TRPC5: variants seen among roughly 807,000 people sequenced by gnomAD.
TRPC5 encodes the protein short transient receptor potential channel 5.
A neutral mutation model predicts 56.5 loss-of-function variants in TRPC5; 9 were observed. The observed-to-expected ratio is 0.16, with a 90% confidence interval of 0.10 to 0.28. The LOEUF (loss-of-function observed/expected upper bound fraction) is 0.28, where lower values mean the gene tolerates loss of function less well. Among genes scored for constraint, TRPC5 ranks in the 10% least tolerant of loss-of-function variants. The pLI is 1.00. For synonymous variants in TRPC5, 282 were observed against 278.5 expected (o/e 1.01, Z -0.13); for missense variants, 469 against 748.9 (o/e 0.63, Z 4.36).
intron 6 of TRPC5, among the ~76,000 whole-genome samples, chrX:111,842,114 TATATTTTATATATATATG>T (rs1569526317): frequency 2.1e-5 from 2 of 95,457 alleles, no homozygotes; most frequent in African/African-American, 9.1e-5. Context: ...TGTATATATA[TATATTTTATATATATATG>T]TATATATATA....
intron 1 of TRPC5, among the ~76,000 whole-genome samples, chrX:112,057,788 T>G (rs1353881044): frequency 2.7e-5 from 3 of 112,108 alleles, no homozygotes; most frequent in Non-Finnish European, 5.6e-5. Flanking sequence ...AGTTTCTTAG[T>G]GGATAAATGA....
chrX:112,064,548 G>A (rs1308423668), intron 1 of TRPC5, among the ~76,000 whole-genome samples: 1 of 111,958 alleles, frequency 8.9e-6, no homozygotes, highest in Non-Finnish European at 1.9e-5. Flanking sequence ...TGCAAAGGAA[G>A]TAAGTACCTG....
chrX:111,797,135 C>T (rs761462779), intron 7 of TRPC5, among the ~76,000 whole-genome samples: 1 of 111,830 alleles, frequency 8.9e-6, no homozygotes, highest in African/African-American at 3.2e-5. Context: ...TTTCATTTTG[C>T]TCTCCAAGGT....
chrX:111,991,907 T>A (rs771901058), intron 1 of TRPC5, among the ~76,000 whole-genome samples: 3 of 112,189 alleles, frequency 2.7e-5, no homozygotes, highest in African/African-American at 9.7e-5. Flanking sequence ...ACATCTTTTG[T>A]TTCTGAAAAG....
rs1945840593 is a variant in TRPC5, at chrX:111,771,043, A to G, written c.*5270T>C. Among the ~76,000 whole-genome samples, 1 of 111,994 alleles carries G rather than the reference A, an allele frequency of 8.9e-6. No individual in the cohort carries two copies. ...GAAAATGACCTTCACGTTGCAAGTC[A>G]TTCTAACCTACTTCAGTTAGTCTTT... is the stretch of plus-strand genomic sequence containing the variant. On this transcript the variant is annotated 3_prime_UTR_variant, in exon 11 of 11. Coordinates refer to ENST00000262839, the MANE Select transcript of TRPC5 (RefSeq NM_012471.3).
At chrX:112,006,425 T>C (rs1362387256) in intron 1 of TRPC5, among the ~76,000 whole-genome samples, 1 of 112,080 alleles carries the variant, frequency 8.9e-6, no homozygotes, top group Non-Finnish European at 1.9e-5. Context: ...GATTATATCA[T>C]TTAATTCTTA....
intron 1 of TRPC5, among the ~76,000 whole-genome samples, chrX:111,963,323 G>A (rs769380225): frequency 2.2e-4 from 25 of 112,450 alleles, no homozygotes; most frequent in South Asian, 3.7e-4. Flanking sequence ...CAAAGCAGCC[G>A]GGAAGCTCGA....
chrX:111,807,779 T>C (rs1166621470), intron 7 of TRPC5, among the ~76,000 whole-genome samples: 1 of 112,496 alleles, frequency 8.9e-6, no homozygotes, highest in Non-Finnish European at 1.9e-5. Context: ...ACTGCAGCTG[T>C]ATCTGCATTA....
intron 2 of TRPC5, among the ~76,000 whole-genome samples, chrX:111,943,013 A>G (rs7876872): frequency 0.12 from 13,633 of 111,215 alleles, 1,337 homozygotes; most frequent in African/African-American, 0.33. Context: ...GAGTAGGAGT[A>G]GTACTAGCTA....
At chrX:111,840,848 T>A (rs1017931933) in intron 6 of TRPC5, among the ~76,000 whole-genome samples, 2 of 112,681 alleles carry the variant, frequency 1.8e-5, no homozygotes, top group African/African-American at 6.4e-5. Context: ...CCCATTAGAC[T>A]ATGAACTTCT....
At chrX:111,893,987 G>A (rs774764531) in intron 3 of TRPC5, among the ~76,000 whole-genome samples, 15 of 111,719 alleles carry the variant, frequency 1.3e-4, no homozygotes, top group African/African-American at 4.9e-4. Context: ...AGAGGGTAAC[G>A]AGAAGTTATA....
intron 7 of TRPC5, among the ~76,000 whole-genome samples, chrX:111,786,221 C>T (rs745711682): frequency 9.0e-6 from 1 of 111,631 alleles, no homozygotes; most frequent in Admixed American, 9.6e-5. Flanking sequence ...GACCTCTCGG[C>T]AGAAACCCTA....
At chrX:111,905,710 G>C (rs12012085) in intron 3 of TRPC5, among the ~76,000 whole-genome samples, 5,137 of 108,809 alleles carry the variant, frequency 0.047, 179 homozygotes, top group African/African-American at 0.12. Flanking sequence ...GTCAGGAGAT[G>C]GAGACCATCC....
At chrX:111,795,137 T>C (rs1008860950) in intron 7 of TRPC5, among the ~76,000 whole-genome samples, 2 of 111,040 alleles carry the variant, frequency 1.8e-5, no homozygotes, top group Non-Finnish European at 3.8e-5. Context: ...CTTAATGATT[T>C]TTTTTCTTAT....
intron 2 of TRPC5, among the ~76,000 whole-genome samples, chrX:111,945,741 T>C (rs2066555724): frequency 8.9e-6 from 1 of 112,039 alleles, no homozygotes; most frequent in South Asian, 3.7e-4. Flanking sequence ...TTCTTACTTC[T>C]AGCCTGGAGC....
At chrX:111,993,808 T>A in intron 1 of TRPC5, among the ~76,000 whole-genome samples, 2 of 112,418 alleles carry the variant, frequency 1.8e-5, no homozygotes, top group South Asian at 7.4e-4. Context: ...ATTAGCCCTT[T>A]GTCAGATGGG....
At chrX:112,013,291 T>C (rs1469539752) in intron 1 of TRPC5, among the ~76,000 whole-genome samples, 1 of 111,497 alleles carries the variant, frequency 9.0e-6, no homozygotes, top group African/African-American at 3.3e-5. Flanking sequence ...GCTGGGACTA[T>C]AGGCGTGCGC....
chrX:111,842,880 G>A (rs897218668), intron 6 of TRPC5, among the ~76,000 whole-genome samples: 6 of 111,542 alleles, frequency 5.4e-5, no homozygotes, highest in Non-Finnish European at 9.4e-5. Flanking sequence ...ATCCTGGGGG[G>A]GCAGGGTGGG....
intron 7 of TRPC5, among the ~76,000 whole-genome samples, chrX:111,797,502 T>C (rs1921140023): frequency 8.9e-6 from 1 of 111,891 alleles, no homozygotes; most frequent in Non-Finnish European, 1.9e-5. Context: ...AAGTGTGCAG[T>C]AAGTTCAAAA....
Sources: allele counts gnomAD v4.1 joint callset (sites outside exome capture counted in the v4.1 genomes callset), GRCh38; gene constraint gnomAD v4.1.1; transcripts MANE v1.5; gene names NCBI Gene and HGNC (gene_info 2026-07-23, HGNC 2026-07-21).